Variants in TTC23 observed in about 807,000 individuals in gnomAD.
TTC23 encodes the protein tetratricopeptide repeat domain 23.
Under a neutral mutation model 55.1 loss-of-function variants are expected in TTC23, and 58 were observed. That is an observed-to-expected ratio of 1.05 (90% CI 0.85 to 1.31). The LOEUF (loss-of-function observed/expected upper bound fraction) is 1.31, where lower values mean the gene tolerates loss of function less well. Among genes scored for constraint, TTC23 ranks in the 50% most tolerant of loss-of-function variants. TTC23 has a pLI of 0.00. For synonymous variants in TTC23, 203 were observed against 199.9 expected (o/e 1.02, Z -0.13); for missense variants, 516 against 534.4 (o/e 0.97, Z 0.34).
intron 9 of TTC23, among the ~76,000 whole-genome samples, chr15:99,198,400 C>G (rs2075921793): frequency 6.6e-6 from 1 of 152,198 alleles, no homozygotes; most frequent in Admixed American, 6.5e-5. Flanking sequence ...CATGTCCTAT[C>G]AATTCTGCCT....
intron 1 of TTC23, among the ~76,000 whole-genome samples, chr15:99,246,736 T>C (rs1401371347): frequency 1.3e-5 from 2 of 151,892 alleles, no homozygotes; most frequent in Non-Finnish European, 2.9e-5. Context: ...CTGGCCAACA[T>C]GGTGAAGCCC....
intron 8 of TTC23, among the ~76,000 whole-genome samples, chr15:99,208,481 A>G (rs1409964959): frequency 6.6e-6 from 1 of 152,142 alleles, no homozygotes; most frequent in Non-Finnish European, 1.5e-5. Context: ...ATAATACTAC[A>G]TATATATGTG....
intron 13 of TTC23, 80 bp from the exon 14 acceptor site, chr15:99,138,207 C>T: frequency 6.4e-7 from 1 of 1,567,128 alleles, no homozygotes; most frequent in South Asian, 1.2e-5. Context: ...TGCTGCCCAG[C>T]AGGTGCCCAG....
chr15:99,244,985 T>C (rs553966683), intron 2 of TTC23, among the ~76,000 whole-genome samples: 90 of 152,298 alleles, frequency 5.9e-4, no homozygotes, highest in African/African-American at 2.0e-3. Context: ...TAGAAAATAA[T>C]TGAAATTTGT....
intron 8 of TTC23, among the ~76,000 whole-genome samples, chr15:99,211,899 T>C (rs2077067352): frequency 6.6e-6 from 1 of 152,200 alleles, no homozygotes; most frequent in Non-Finnish European, 1.5e-5. Flanking sequence ...TTCACCATGT[T>C]GACCAGGCTG....
intron 8 of TTC23, among the ~76,000 whole-genome samples, chr15:99,204,911 C>T (rs2076497365): frequency 1.3e-5 from 2 of 152,156 alleles, no homozygotes; most frequent in Non-Finnish European, 2.9e-5. Context: ...GCTGGGACTA[C>T]AGGCATGTGC....
intron 5 of TTC23, among the ~76,000 whole-genome samples, chr15:99,227,610 C>T (rs2078565623): frequency 6.6e-6 from 1 of 152,178 alleles, no homozygotes; most frequent in African/African-American, 2.4e-5. Context: ...AAAATCAAAA[C>T]TCTTTCACTA....
intron 4 of TTC23, among the ~76,000 whole-genome samples, chr15:99,233,544 A>G (rs886103434): frequency 3.3e-5 from 5 of 152,216 alleles, no homozygotes; most frequent in Non-Finnish European, 7.3e-5. Context: ...AATATCTAAT[A>G]TCTATTCCTG....
intron 8 of TTC23, among the ~76,000 whole-genome samples, chr15:99,208,318 G>T (rs538264881): frequency 2.0e-5 from 3 of 151,960 alleles, no homozygotes; most frequent in African/African-American, 7.2e-5. Context: ...ACATTCAGAG[G>T]AATGAAAAAC....
rs191036851 is a variant in TTC23, at chr15:99,176,820, G to C, written c.760-1665C>G. On this transcript the variant is annotated intron_variant, in intron 9 of 13. Coordinates refer to ENST00000394132, the MANE Select transcript of TTC23 (RefSeq NM_001288615.3). ...GATTATGATATCTCACAGCTAATAA[G>C]AGATAGAGATAAGAGTCTGACCCTG... Among the ~76,000 whole-genome samples the C allele has an allele frequency of 5.3e-5, 8 of 152,278 alleles. No homozygotes were observed. The East Asian group carries it at 1.5e-3, about 29-fold the overall frequency.
At chr15:99,227,569 C>G (rs1395638569) in intron 5 of TTC23, among the ~76,000 whole-genome samples, 1 of 152,172 alleles carries the variant, frequency 6.6e-6, no homozygotes, top group African/African-American at 2.4e-5. Context: ...CTGCTTATAA[C>G]CTCATGGTAA....
At chr15:99,181,452 A>G (rs2074108868) in intron 9 of TTC23, among the ~76,000 whole-genome samples, 1 of 152,140 alleles carries the variant, frequency 6.6e-6, no homozygotes. Flanking sequence ...TCGTCGACCG[A>G]GAGTCTACGA....
chr15:99,207,322 C>A (rs2076702252), intron 8 of TTC23, among the ~76,000 whole-genome samples: 2 of 152,172 alleles, frequency 1.3e-5, no homozygotes, highest in African/African-American at 4.8e-5. Context: ...TGAAGACTAT[C>A]TACCAATTTT....
At chr15:99,164,406 C>T (rs1051475778) in intron 10 of TTC23, among the ~76,000 whole-genome samples, 2 of 152,142 alleles carry the variant, frequency 1.3e-5, no homozygotes, top group East Asian at 1.9e-4. Context: ...GAGGAAAATG[C>T]GAAGGCTTCC....
chr15:99,175,940 G>C lies in TTC23; in HGVS notation c.760-785C>G, dbSNP rs1411184315. Among the ~76,000 whole-genome samples the C allele has an allele frequency of 5.3e-5, 8 of 152,186 alleles. No homozygotes were observed. The East Asian group carries it at 1.5e-3, about 29-fold the overall frequency. ...AACCTGGGAGGTGGAGGTTGCAGTGGGCCGAGATTGCACCACTGCACTCTA... is the reference window on the plus strand; with the variant it reads ...AACCTGGGAGGTGGAGGTTGCAGTGCGCCGAGATTGCACCACTGCACTCTA... On this transcript the variant is annotated intron_variant, in intron 9 of 13. Coordinates refer to ENST00000394132, the MANE Select transcript of TTC23 (RefSeq NM_001288615.3).
At chr15:99,166,334 G>A (rs1212106125) in intron 10 of TTC23, among the ~76,000 whole-genome samples, 5 of 152,156 alleles carry the variant, frequency 3.3e-5, no homozygotes, top group Admixed American at 6.5e-5. Context: ...CTCTCAACCC[G>A]AGAATGGCAT....
At chr15:99,169,444 GAC>G (rs1567381192) in intron 10 of TTC23, among the ~76,000 whole-genome samples, 1 of 152,136 alleles carries the variant, frequency 6.6e-6, no homozygotes, top group Non-Finnish European at 1.5e-5. Flanking sequence ...GAAGGTAAAG[GAC>G]ACCTCACTGT....
chr15:99,232,920 T>C (rs568063084), intron 4 of TTC23, among the ~76,000 whole-genome samples: 1 of 152,222 alleles, frequency 6.6e-6, no homozygotes, highest in South Asian at 2.1e-4. Flanking sequence ...ATAAAGAAAA[T>C]GTGGTATGTA....
intron 8 of TTC23, among the ~76,000 whole-genome samples, chr15:99,209,777 C>T (rs188383060): frequency 6.6e-6 from 1 of 152,256 alleles, no homozygotes; most frequent in East Asian, 1.9e-4. Context: ...CTCTGTCACC[C>T]AGGTTGGAGT....
Sources: gnomAD v4.1 joint callset for allele counts (sites outside exome capture counted in the v4.1 genomes callset) on GRCh38, gnomAD v4.1.1 for gene constraint, MANE v1.5 for transcripts, NCBI Gene and HGNC (gene_info 2026-07-23, HGNC 2026-07-21) for gene names.